Variants in RAD52 observed in about 807,000 individuals in gnomAD.
RAD52 encodes DNA repair protein RAD52 homolog.
RAD52 carries 47 observed loss-of-function variants against 55.5 expected under a neutral mutation model. The observed-to-expected ratio is 0.85, with a 90% CI of 0.67 to 1.08. RAD52 has a LOEUF of 1.08. RAD52 is among the 50% of genes least tolerant of loss of function. RAD52 has a pLI of 0.00. For missense variants in RAD52, 468 were observed against 522.8 expected, an observed-to-expected ratio of 0.90 and a Z score of 1.02; for synonymous variants, 184 against 198.9, an observed-to-expected ratio of 0.92 and a Z score of 0.63.
intron 1 of RAD52, among the ~76,000 whole-genome samples, chr12:955,546 T>C (rs1413887030): frequency 6.6e-6 from 1 of 151,504 alleles, no homozygotes; most frequent in Non-Finnish European, 1.5e-5. Flanking sequence ...CAATCTCAAC[T>C]CACTGCAACC....
chr12:966,526 G>A lies in RAD52; in HGVS notation c.-19+23283C>T, dbSNP rs186751579. Among the ~76,000 whole-genome samples, 223 of 151,874 alleles carry A rather than the reference G, an allele frequency of 1.5e-3. 1 individual carries two copies. The highest frequency in any genetic ancestry group is 1.0e-3 in the South Asian group (5 of 4,814). On this transcript the variant is annotated intron_variant, in intron 1 of 11. Coordinates refer to the RAD52 transcript ENST00000430095. ...TGAGAAAAGATAACTTGTTTAAGCC[G>A]TTACTCCATTCTAATGCTCATGGTT...
intron 1 of RAD52, among the ~76,000 whole-genome samples, chr12:988,082 T>TA (rs966951759): frequency 6.6e-6 from 1 of 152,080 alleles, no homozygotes; most frequent in Admixed American, 6.5e-5. Flanking sequence ...AGGTAATACT[T>TA]ACACCTCAGC....
chr12:944,774 T>TTTA (rs1565689331), intron 1 of RAD52, among the ~76,000 whole-genome samples: 1 of 3,524 alleles, frequency 2.8e-4, no homozygotes, highest in Admixed American at 2.8e-3. Context: ...TTCTTTCTTT[T>TTTA]TTTTTTTTTT....
chr12:936,636 G>A (rs1295611688), intron 1 of RAD52, among the ~76,000 whole-genome samples: 1 of 152,128 alleles, frequency 6.6e-6, no homozygotes, highest in Non-Finnish European at 1.5e-5. Context: ...AGGACTACAG[G>A]TGAGTGCTAT....
At chr12:917,770 C>CAAA (rs71055103) in intron 7 of RAD52, among the ~76,000 whole-genome samples, 15 of 107,346 alleles carry the variant, frequency 1.4e-4, no homozygotes, top group Non-Finnish European at 2.0e-4. Context: ...ACTAAAAATA[C>CAAA]AAAAAAAAAA....
chr12:915,919 G>A (rs974396494), intron 9 of RAD52, among the ~76,000 whole-genome samples: 1 of 152,168 alleles, frequency 6.6e-6, no homozygotes, highest in Non-Finnish European at 1.5e-5. Flanking sequence ...GTTTCGCCAT[G>A]ATGGCCAGGC....
At chr12:918,951 A>G (rs992401930) in intron 7 of RAD52, among the ~76,000 whole-genome samples, 5 of 152,194 alleles carry the variant, frequency 3.3e-5, no homozygotes, top group African/African-American at 1.2e-4. Flanking sequence ...GAACTGTACA[A>G]TTCCACTTAC....
intron 9 of RAD52, 28 bp downstream of exon 9, chr12:916,316 C>G: frequency 6.2e-7 from 1 of 1,600,852 alleles, no homozygotes; most frequent in Non-Finnish European, 8.5e-7. Context: ...AGACGCCTCC[C>G]AGGGCCCTGC....
chr12:930,009 C>G (rs755081345), intron 4 of RAD52, 42 bp downstream of exon 4: 4 of 1,591,514 alleles, frequency 2.5e-6, no homozygotes, highest in Non-Finnish European at 3.5e-6. Context: ...TCAGCAGGAG[C>G]TGGACAGTGC....
chr12:915,607 T>C (rs1355720530), intron 9 of RAD52, among the ~76,000 whole-genome samples: 1 of 152,204 alleles, frequency 6.6e-6, no homozygotes, highest in Non-Finnish European at 1.5e-5. Context: ...CAATCTGGAC[T>C]CTGAAATAAA....
At chr12:972,172 G>A (rs941528213) in intron 1 of RAD52, among the ~76,000 whole-genome samples, 3 of 152,072 alleles carry the variant, frequency 2.0e-5, no homozygotes, top group Middle Eastern at 3.2e-3. Flanking sequence ...TGCCTATTAC[G>A]TTCCAAGCAC....
rs916896404 is a variant in RAD52, at chr12:911,848, C to T, written c.*1543G>A. On this transcript the variant is annotated 3_prime_UTR_variant, in exon 12 of 12. Coordinates refer to ENST00000358495, the MANE Select transcript of RAD52 (RefSeq NM_134424.4). ...CAGCCTGGCCAACATGGAGAAACCC[C>T]GTCTCCTCTACTAAAAATACAAAAA... Among the ~76,000 whole-genome samples, 5 of 150,744 alleles carry T rather than the reference C, an allele frequency of 3.3e-5. No individual in the cohort carries two copies. Among genetic ancestry groups the T allele is most frequent in the East Asian group, 2.0e-4 (1 of 5,110 alleles).
At chr12:936,645 A>G (rs1360070079) in intron 1 of RAD52, among the ~76,000 whole-genome samples, 1 of 152,114 alleles carries the variant, frequency 6.6e-6, no homozygotes, top group Non-Finnish European at 1.5e-5. Flanking sequence ...GGTGAGTGCT[A>G]TCATGCCAGG....
chr12:983,198 C>T (rs1959042533), intron 1 of RAD52, among the ~76,000 whole-genome samples: 1 of 152,036 alleles, frequency 6.6e-6, no homozygotes, highest in East Asian at 1.9e-4. Context: ...CACTCTCTAC[C>T]CATTATCCAG....
intron 1 of RAD52, among the ~76,000 whole-genome samples, chr12:939,852 G>A (rs1320735132): frequency 1.3e-5 from 2 of 152,142 alleles, no homozygotes; most frequent in Admixed American, 6.6e-5. Flanking sequence ...TGAGGCAGGC[G>A]GATCACGAGG....
In RAD52 at chr12:927,255, T is replaced by C; in HGVS notation, c.357A>G (p.Ser119=). ...CACCATAACCAACATCTTCATGATA[T>C]GAACCATCCTGGGGGCAGAAAAGGA... ...AFVRVQLKDG[S]YHEDVGYGVS... is the part of the protein sequence containing the mutation. Residue 119 remains serine, a synonymous_variant, in exon 6 of 12, where the codon TCA becomes TCG. Transcript: ENST00000358495. The C allele has an allele frequency of 6.2e-7, 1 of 1,612,594 alleles. No individual in the cohort carries two copies. The highest frequency in any genetic ancestry group is 8.5e-7 in the Non-Finnish European group (1 of 1,178,686).
chr12:945,358 A>G (rs1958157453), intron 1 of RAD52, among the ~76,000 whole-genome samples: 1 of 151,726 alleles, frequency 6.6e-6, no homozygotes, highest in Non-Finnish European at 1.5e-5. Flanking sequence ...CAAAAAAAAA[A>G]AGTAGAAAAA....
exon 1 of RAD52, chr12:989,961 T>C (rs1353717169): frequency 6.6e-6 from 1 of 152,092 alleles, no homozygotes; most frequent in East Asian, 1.9e-4. Flanking sequence ...CGTCTAACAG[T>C]TGGTAGTCAT....
At chr12:947,693 C>CA (rs1206721807) in intron 1 of RAD52, among the ~76,000 whole-genome samples, 1 of 151,236 alleles carries the variant, frequency 6.6e-6, no homozygotes, top group Non-Finnish European at 1.5e-5. Flanking sequence ...TCGAGACCAG[C>CA]ATGGCCAACA....
Sources: allele counts gnomAD v4.1 joint callset (sites outside exome capture counted in the v4.1 genomes callset), GRCh38; gene constraint gnomAD v4.1.1; transcripts MANE v1.5; gene names NCBI Gene and HGNC (gene_info 2026-07-23, HGNC 2026-07-21).